The following DTNA variants were observed in gnomAD, a reference collection of about 807,000 sequenced individuals.
DTNA encodes dystrophin-related protein 3.
A neutral mutation model predicts 100.7 loss-of-function variants in DTNA; 43 were observed. That is an observed-to-expected ratio of 0.43 (90% confidence interval 0.33 to 0.55). The LOEUF is 0.55. Ranked by LOEUF, DTNA falls within the 20% of genes least tolerant of loss-of-function variation. DTNA has a pLI of 0.04. For synonymous variants in DTNA, 349 were observed against 347.9 expected, an observed-to-expected ratio of 1.00 and a Z score of -0.04; for missense variants, 798 against 953.9, an observed-to-expected ratio of 0.84 and a Z score of 2.15.
chr18:34,527,850 A>G (rs2042774512), intron 1 of DTNA, among the ~76,000 whole-genome samples: 1 of 152,080 alleles, frequency 6.6e-6, no homozygotes, highest in Non-Finnish European at 1.5e-5. Flanking sequence ...TTGAACCCGT[A>G]TCAAGCTCAA....
At chr18:34,571,597 GAA>G (rs1411551293) in intron 1 of DTNA, among the ~76,000 whole-genome samples, 2 of 151,978 alleles carry the variant, frequency 1.3e-5, no homozygotes, top group Non-Finnish European at 2.9e-5. Context: ...CAAAAAAAAA[GAA>G]AATCTTGAAT....
intron 14 of DTNA, among the ~76,000 whole-genome samples, chr18:34,851,070 C>A (rs1228377264): frequency 6.6e-6 from 1 of 152,050 alleles, no homozygotes; most frequent in African/African-American, 2.4e-5. Context: ...AAAAGTAAGT[C>A]TTACCAACTA....
At chr18:34,705,395 C>T (rs570132110), upstream of DTNA, among the ~76,000 whole-genome samples, 1 of 152,286 alleles carries the variant, frequency 6.6e-6, no homozygotes, top group East Asian at 1.9e-4. Flanking sequence ...TGGGGTTTCA[C>T]AGATGACATC....
Position 34,730,402 on chromosome 18 carries a change from G to A in DTNA, c.-2+19957G>A, listed in dbSNP as rs536723695. ...ACACAGTTGTTGGGGGCTCTGATGT[G>A]AGAATGGCCAGCCTGTTCTCTGGTT... On this transcript the variant is annotated intron_variant, in intron 1 of 22. Transcript: ENST00000444659. 3.2e-4 allele frequency among the ~76,000 whole-genome samples: 49 copies of A among 152,308 alleles called. 1 individual carries two copies. Among genetic ancestry groups the A allele is most frequent in the African/African-American group, 1.1e-3 (45 of 41,554 alleles).
intron 17 of DTNA, among the ~76,000 whole-genome samples, chr18:34,869,938 A>G (rs759335051): frequency 7.2e-5 from 11 of 152,078 alleles, no homozygotes; most frequent in Non-Finnish European, 1.3e-4. Flanking sequence ...GGAGAATGGC[A>G]TGAACCCGGG....
intron 22 of DTNA, 106 bp downstream of exon 22, chr18:34,884,882 G>A: frequency 7.6e-7 from 1 of 1,316,920 alleles, no homozygotes; most frequent in South Asian, 1.2e-5. Context: ...CTTTCTATGT[G>A]ATAAAATACC....
chr18:34,609,573 A>C (rs2053832145), intron 1 of DTNA, among the ~76,000 whole-genome samples: 1 of 152,080 alleles, frequency 6.6e-6, no homozygotes, highest in South Asian at 2.1e-4. Flanking sequence ...CTAAATTTGA[A>C]TGCTCAGTTG....
intron 1 of DTNA, among the ~76,000 whole-genome samples, chr18:34,547,965 A>G (rs952024398): frequency 6.6e-6 from 1 of 152,174 alleles, no homozygotes; most frequent in Admixed American, 6.6e-5. Flanking sequence ...TAAATCTAAA[A>G]TAAATAAGAC....
At chr18:34,852,469 C>G (rs2096493548) in intron 15 of DTNA, among the ~76,000 whole-genome samples, 1 of 152,158 alleles carries the variant, frequency 6.6e-6, no homozygotes. Flanking sequence ...AGCATACACC[C>G]CAAAAATTGT....
chr18:34,564,514 G>A (rs998075260), intron 1 of DTNA, among the ~76,000 whole-genome samples: 1 of 152,110 alleles, frequency 6.6e-6, no homozygotes, highest in Non-Finnish European at 1.5e-5. Flanking sequence ...TTATTGTTGG[G>A]GAAAAAGAAA....
intron 1 of DTNA, among the ~76,000 whole-genome samples, chr18:34,727,874 T>G (rs1274652989): frequency 1.3e-5 from 2 of 152,164 alleles, no homozygotes; most frequent in African/African-American, 4.8e-5. Flanking sequence ...GCCTAAAATG[T>G]CTTATAAAAG....
intron 16 of DTNA, among the ~76,000 whole-genome samples, chr18:34,862,144 GAGAA>G (rs2096637712): frequency 7.9e-6 from 1 of 126,780 alleles, no homozygotes; most frequent in Non-Finnish European, 1.6e-5. Context: ...AAAAAAAAAA[GAGAA>G]AGAGAAAGAA....
intron 1 of DTNA, among the ~76,000 whole-genome samples, chr18:34,727,952 AG>A (rs753524699): frequency 6.6e-6 from 1 of 151,564 alleles, no homozygotes; most frequent in Admixed American, 6.6e-5. Flanking sequence ...ATTAAGAGGG[AG>A]GGGGGGAAAA....
At position 34,829,697 on chromosome 18, in the gene DTNA, T is replaced by G. The variant is rs77785636; in HGVS notation, c.1175+208T>G. 8.1e-3 allele frequency among the ~76,000 whole-genome samples: 1,239 copies of G among 152,332 alleles called. 19 individuals carry two copies. The highest frequency in any genetic ancestry group is 0.029 in the African/African-American group (1,195 of 41,564). ...CTCCTTTCCACATATTTTATGGATT[T>G]CATAGCCTCATACCGGTATATAAGA... On this transcript the variant is annotated intron_variant, in intron 11 of 22. Coordinates refer to ENST00000444659, the MANE Select transcript of DTNA (RefSeq NM_001386795.1).
At chr18:34,827,979 C>T (rs930951269) in intron 10 of DTNA, among the ~76,000 whole-genome samples, 4 of 152,232 alleles carry the variant, frequency 2.6e-5, no homozygotes, top group African/African-American at 7.2e-5. Flanking sequence ...AAGGAAGTCA[C>T]GTTCATAGTC....
At chr18:34,512,758 A>G (rs547404879) in intron 1 of DTNA, among the ~76,000 whole-genome samples, 81 of 152,156 alleles carry the variant, frequency 5.3e-4, no homozygotes, top group Middle Eastern at 6.8e-3. Flanking sequence ...CCTTGCATTG[A>G]TATCTTTCAG....
intron 1 of DTNA, among the ~76,000 whole-genome samples, chr18:34,517,126 C>T (rs2041702216): frequency 6.6e-6 from 1 of 152,060 alleles, no homozygotes; most frequent in Non-Finnish European, 1.5e-5. Flanking sequence ...GTTCGGGGTC[C>T]CTGACTTCCC....
intron 1 of DTNA, among the ~76,000 whole-genome samples, chr18:34,625,313 G>A (rs1421160589): frequency 1.3e-5 from 2 of 152,174 alleles, no homozygotes; most frequent in East Asian, 3.8e-4. Context: ...ACAGGTGTGA[G>A]CCACCACGCC....
At chr18:34,771,120 C>A (rs1165632693) in intron 3 of DTNA, among the ~76,000 whole-genome samples, 3 of 152,078 alleles carry the variant, frequency 2.0e-5, no homozygotes, top group Admixed American at 2.0e-4. Context: ...AATTCTTTTT[C>A]TCTCTTGTTA....
Sources: allele counts gnomAD v4.1 joint callset (sites outside exome capture counted in the v4.1 genomes callset), GRCh38; gene constraint gnomAD v4.1.1; transcripts MANE v1.5; gene names NCBI Gene and HGNC (gene_info 2026-07-23, HGNC 2026-07-21).